Variants in EIF2B3 observed in about 807,000 individuals in gnomAD.
EIF2B3 encodes eukaryotic translation initiation factor 2B subunit gamma.
In EIF2B3, 20 loss-of-function variants were observed where a neutral mutation model predicts 54.1. The observed-to-expected ratio is 0.37, with a 90% CI of 0.26 to 0.54. The LOEUF (loss-of-function observed/expected upper bound fraction) is 0.54, where lower values mean the gene tolerates loss of function less well. Ranked by LOEUF, EIF2B3 falls within the 20% of genes least tolerant of loss-of-function variation. The pLI is 0.86. For synonymous variants in EIF2B3, 153 were observed against 188.1 expected, an observed-to-expected ratio of 0.81 and a Z score of 1.52; for missense variants, 448 against 547.8, an observed-to-expected ratio of 0.82 and a Z score of 1.82.
chr1:44,981,325 G>A, intron 1 of EIF2B3, 148 bp from the exon 2 acceptor site: 2 of 818,736 alleles, frequency 2.4e-6, no homozygotes, highest in Non-Finnish European at 4.0e-6. Flanking sequence ...AGTAAGAAAA[G>A]CTTAGCTGCA....
At chr1:44,922,733 T>G (rs1643774104) in intron 5 of EIF2B3, among the ~76,000 whole-genome samples, 1 of 152,044 alleles carries the variant, frequency 6.6e-6, no homozygotes, top group Non-Finnish European at 1.5e-5. Context: ...TTTTATAATT[T>G]TCATTGTAGA....
intron 3 of EIF2B3, among the ~76,000 whole-genome samples, chr1:44,961,962 C>T (rs1408531725): frequency 1.3e-5 from 2 of 152,082 alleles, no homozygotes; most frequent in Non-Finnish European, 2.9e-5. Context: ...GAGGCCAAGG[C>T]GGGTGGATCA....
chr1:44,865,917 T>A (rs1287985150), intron 10 of EIF2B3, among the ~76,000 whole-genome samples: 1 of 152,086 alleles, frequency 6.6e-6, no homozygotes, highest in Non-Finnish European at 1.5e-5. Flanking sequence ...TTTTTCTCCC[T>A]CTCTATAATC....
At chr1:44,912,506 G>C (rs1643536301) in intron 5 of EIF2B3, among the ~76,000 whole-genome samples, 1 of 151,920 alleles carries the variant, frequency 6.6e-6, no homozygotes, top group South Asian at 2.1e-4. Context: ...TAACATCTCA[G>C]CCTTATCTCC....
chr1:44,964,959 A>C (rs1569855984), intron 3 of EIF2B3, among the ~76,000 whole-genome samples: 2 of 152,336 alleles, frequency 1.3e-5, no homozygotes, highest in East Asian at 3.9e-4. Context: ...ACACAAAAAC[A>C]GCACCAATGG....
chr1:44,944,551 T>C (rs1271222602), intron 3 of EIF2B3, among the ~76,000 whole-genome samples: 1 of 150,410 alleles, frequency 6.6e-6, no homozygotes, highest in Non-Finnish European at 1.5e-5. Flanking sequence ...CAAGCTACTC[T>C]GGAGGCTGAG....
chr1:44,948,551 T>A (rs1487154749), intron 3 of EIF2B3, among the ~76,000 whole-genome samples: 3 of 151,974 alleles, frequency 2.0e-5, no homozygotes, highest in African/African-American at 7.2e-5. Flanking sequence ...TTAAAATTTT[T>A]AAAAAAATAT....
intron 8 of EIF2B3, among the ~76,000 whole-genome samples, chr1:44,879,484 A>G (rs1347349848): frequency 1.3e-5 from 2 of 152,110 alleles, no homozygotes; most frequent in African/African-American, 4.8e-5. Context: ...ATTACAGAGT[A>G]TTTACCTGCT....
intron 10 of EIF2B3, among the ~76,000 whole-genome samples, chr1:44,869,729 T>C (rs1654903178): frequency 6.7e-6 from 1 of 149,206 alleles, no homozygotes; most frequent in Admixed American, 6.8e-5. Context: ...GCCTCCTGAA[T>C]ATCTGGGACT....
At chr1:44,907,811 A>G (rs1173927434) in intron 5 of EIF2B3, among the ~76,000 whole-genome samples, 1 of 144,304 alleles carries the variant, frequency 6.9e-6, no homozygotes, top group Non-Finnish European at 1.5e-5. Context: ...AATCGCTTGA[A>G]CCCAGGAGGT....
At chr1:44,978,968 C>T (rs1644484018) in intron 2 of EIF2B3, among the ~76,000 whole-genome samples, 1 of 151,846 alleles carries the variant, frequency 6.6e-6, no homozygotes, top group East Asian at 2.0e-4. Context: ...ACAATCTCAT[C>T]TTACAAATGA....
chr1:44,869,803 A>G (rs1485108065), intron 10 of EIF2B3, among the ~76,000 whole-genome samples: 1 of 151,888 alleles, frequency 6.6e-6, no homozygotes, highest in Non-Finnish European at 1.5e-5. Flanking sequence ...TTAAAGTGAC[A>G]GACCTAGGAT....
At chr1:44,958,897 C>T in intron 3 of EIF2B3, 1 of 822,736 alleles carries the variant, frequency 1.2e-6, no homozygotes, top group Non-Finnish European at 2.1e-6. Flanking sequence ...TTCATCAAGG[C>T]TGAGGGCCAT....
chr1:44,902,173 A>T (rs1643320182), intron 5 of EIF2B3, among the ~76,000 whole-genome samples: 1 of 152,198 alleles, frequency 6.6e-6, no homozygotes, highest in South Asian at 2.1e-4. Context: ...GTCTGTCCTT[A>T]TGCCAGTACC....
chr1:44,900,904 G>T (rs1031867708), intron 5 of EIF2B3, among the ~76,000 whole-genome samples: 2 of 152,008 alleles, frequency 1.3e-5, no homozygotes, highest in African/African-American at 4.8e-5. Flanking sequence ...TGCCTATTTT[G>T]AAATTAGGCT....
intron 10 of EIF2B3, among the ~76,000 whole-genome samples, chr1:44,859,019 C>G (rs1654526229): frequency 6.6e-6 from 1 of 152,200 alleles, no homozygotes. Flanking sequence ...TTCTCCTAGG[C>G]CACGTGTGGT....
chr1:44,959,625 T>C (rs1315552202), intron 3 of EIF2B3, among the ~76,000 whole-genome samples: 1 of 152,228 alleles, frequency 6.6e-6, no homozygotes, highest in Non-Finnish European at 1.5e-5. Flanking sequence ...AAATCTTTTA[T>C]CTAGATACGA....
Position 44,874,765 on chromosome 1 carries a change from C to A in EIF2B3, c.1115G>T (p.Arg372Leu). ...TQIGEKSSIK[R>L]SVIGSSCLIK... is the part of the protein sequence containing the mutation. The stretch of plus-strand genomic sequence containing the variant: ...GAGACAGGATGAGCCAATGACTGAG[C>A]GCTTAATGGATGACTTCTCTCCAAT... The change falls in exon 10 of 12, where the codon CGC (arginine) becomes CTC (leucine). Residue 372 changes from arginine (R) to leucine (L), a missense_variant. Coordinates refer to ENST00000360403, the MANE Select transcript of EIF2B3 (RefSeq NM_020365.5). 6.2e-7 allele frequency: 1 copy of A among 1,614,060 alleles called. No homozygotes were observed. The highest frequency in any genetic ancestry group is 8.5e-7 in the Non-Finnish European group (1 of 1,180,026).
At chr1:44,900,702 C>T (rs923597471) in intron 5 of EIF2B3, among the ~76,000 whole-genome samples, 1 of 152,040 alleles carries the variant, frequency 6.6e-6, no homozygotes, top group Non-Finnish European at 1.5e-5. Context: ...CATTAATCTG[C>T]CTCCTGTCTC....
Sources: allele counts gnomAD v4.1 joint callset (sites outside exome capture counted in the v4.1 genomes callset), GRCh38; gene constraint gnomAD v4.1.1; transcripts MANE v1.5; gene names NCBI Gene and HGNC (gene_info 2026-07-23, HGNC 2026-07-21).